Variants in EIF4A2 observed in about 807,000 individuals in gnomAD.
EIF4A2 encodes the protein eukaryotic translation initiation factor 4A2.
In EIF4A2, 9 loss-of-function variants were observed where a neutral mutation model predicts 50.6. The ratio of observed to expected loss-of-function variants is 0.18; its 90% CI spans 0.11 to 0.31. EIF4A2 has a LOEUF of 0.31. Among genes scored for constraint, EIF4A2 ranks in the 10% least tolerant of loss-of-function variants. The probability of loss-of-function intolerance (pLI) is 1.00; values close to 1 mark genes in which losing one functional copy is unlikely to be tolerated. For missense variants in EIF4A2, 182 were observed against 501.8 expected (o/e 0.36, Z 6.09); for synonymous variants, 215 against 164.4 (o/e 1.31, Z -2.35).
rs1560087713 is a variant in EIF4A2 at position 186,789,263 on chromosome 3, TATTTA to T, written c.1222_*2del. On this transcript the variant is annotated frameshift_variant and stop_lost, in exon 11 of 11. Coordinates refer to ENST00000323963, the MANE Select transcript of EIF4A2 (RefSeq NM_001967.4). LOFTEE classifies it high-confidence loss of function. ...AGATGCCCATGAATGTGGCTGACCT[TATTTA>T]ATTCCTGGGATGAGAGTTTTGGATG... is the stretch of plus-strand genomic sequence containing the variant. 6.2e-7 allele frequency: 1 copy of T among 1,606,496 alleles called. No individual in the cohort carries two copies. The highest frequency in any genetic ancestry group is 1.7e-5 in the Admixed American group (1 of 58,980).
chr3:186,783,669 T>A, intron 1 of EIF4A2, 30 bp downstream of exon 1: 1 of 1,614,012 alleles, frequency 6.2e-7, no homozygotes, highest in Non-Finnish European at 8.5e-7. Flanking sequence ...TCGCGGTCTG[T>A]AGTGAAGGTC....
chr3:186,786,237 C>A lies in EIF4A2; in HGVS notation c.591C>A (p.Ile197=). 6.2e-7 allele frequency: 1 copy of A among 1,613,810 alleles called. No individual in the cohort carries two copies. Among genetic ancestry groups the A allele is most frequent in the South Asian group, 1.1e-5 (1 of 90,992 alleles). Reference sequence around the variant, plus strand: ...TGAGCCGTGGTTTTAAGGATCAAATCTATGAGATTTTCCAAAAACTAAACA... The same window carrying A: ...TGAGCCGTGGTTTTAAGGATCAAATATATGAGATTTTCCAAAAACTAAACA... ...EMLSRGFKDQ[I]YEIFQKLNTS... Residue 197 remains isoleucine, a synonymous_variant, in exon 6 of 11, where the codon ATC becomes ATA. Coordinates refer to ENST00000323963, the MANE Select transcript of EIF4A2 (RefSeq NM_001967.4).
intron 10 of EIF4A2, 49 bp from the exon 11 acceptor site, chr3:186,789,076 G>A (rs768575672): frequency 2.5e-6 from 4 of 1,596,198 alleles, no homozygotes; most frequent in South Asian, 1.1e-5. Context: ...ATGTTCAGTA[G>A]TTTATACATT....
intron 8 of EIF4A2, 62 bp from the exon 9 acceptor site, chr3:186,787,433 T>C (rs1172608281): frequency 3.1e-6 from 5 of 1,610,412 alleles, no homozygotes; most frequent in Admixed American, 3.3e-5. Context: ...CTCATACATG[T>C]TGATTAAAAT....
chr3:186,784,711 C>CCA lies in EIF4A2; in HGVS notation c.208+15_208+16insCA. On this transcript the variant is annotated intron_variant, in intron 3 of 10. Transcript: ENST00000323963. ...CTGTATTAAAGGTAAAAGAAACTGG[C>CCA]ATTTTTAGGAAATTGTTCTACATAG... 2 of 1,612,022 alleles carry CCA rather than the reference C, an allele frequency of 1.2e-6. No homozygotes were observed. The highest frequency in any genetic ancestry group is 1.7e-6 in the Non-Finnish European group (2 of 1,179,002).
intron 8 of EIF4A2, 38 bp from the exon 9 acceptor site, chr3:186,787,457 G>A: frequency 1.2e-6 from 2 of 1,612,004 alleles, no homozygotes; most frequent in Non-Finnish European, 1.7e-6. Flanking sequence ...ATACCGACCT[G>A]ACTGGTGATT....
At chr3:186,785,234 G>A in intron 4 of EIF4A2, 133 bp downstream of exon 4, 4 of 1,360,760 alleles carry the variant, frequency 2.9e-6, no homozygotes, top group Non-Finnish European at 3.0e-6. Flanking sequence ...TGCATGCAGG[G>A]AGTTTTTGTT....
At chr3:186,788,683 A>C (rs901390853) in intron 10 of EIF4A2, 1 of 231,420 alleles carries the variant, frequency 4.3e-6, no homozygotes, top group Non-Finnish European at 8.7e-6. Context: ...GAAAAAAGTA[A>C]GTTTTAGAAA....
Position 186,785,929 on chromosome 3 carries a change from G to C in EIF4A2, c.395G>C (p.Cys132Ser). The C allele has an allele frequency of 6.2e-7, 1 of 1,611,114 alleles. No individual in the cohort carries two copies. The highest frequency in any genetic ancestry group is 8.5e-7 in the Non-Finnish European group (1 of 1,177,450). ...CTTGGAGACTATATGGGAGCCACTT[G>C]TCATGCCTGCATTGGTGGAACAAAT... Reference protein sequence around the residue: ...LALGDYMGATCHACIGGTNVR... With the variant: ...LALGDYMGATSHACIGGTNVR... Residue 132 changes from cysteine to serine, a missense_variant, in exon 5 of 11, where the codon TGT becomes TCT. Around this residue, in one of 7 missense-constraint regions of EIF4A2, gnomAD observed 113 missense variants for 357.3 expected, o/e 0.32. Transcript: ENST00000323963.
intron 10 of EIF4A2, chr3:186,788,575 T>TA (rs1236140396): frequency 8.4e-6 from 4 of 473,460 alleles, no homozygotes; most frequent in African/African-American, 2.0e-5. Context: ...GTTTGGCAGT[T>TA]AAACACGTTT....
At chr3:186,787,762 T>A (rs757504869) in intron 9 of EIF4A2, 41 bp from the exon 10 acceptor site, 1 of 1,613,464 alleles carries the variant, frequency 6.2e-7, no homozygotes, top group Non-Finnish European at 8.5e-7. Context: ...AGGTGTCAAG[T>A]TTTTTTGAAT....
intron 2 of EIF4A2, 29 bp from the exon 3 acceptor site, chr3:186,784,535 A>G: frequency 6.2e-7 from 1 of 1,614,188 alleles, no homozygotes; most frequent in Non-Finnish European, 8.5e-7. Context: ...CATCTCATTT[A>G]TGCGTGCATT....
intron 10 of EIF4A2, 31 bp downstream of exon 10, chr3:186,787,913 A>G (rs1191701991): frequency 6.2e-7 from 1 of 1,607,302 alleles, no homozygotes; most frequent in East Asian, 2.2e-5. Flanking sequence ...CTGTATTGAA[A>G]AAAATTCATA....
Position 186,789,649 on chromosome 3 carries a change from G to C in EIF4A2, c.*380G>C, listed in dbSNP as rs965072736. 5.8e-6 allele frequency: 2 copies of C among 345,280 alleles called. No homozygotes were observed. The highest frequency in any genetic ancestry group is 1.1e-5 in the Non-Finnish European group (2 of 189,650). 21.4% of individuals were successfully genotyped at this position (345,280 alleles called of 1,614,324 possible). On this transcript the variant is annotated 3_prime_UTR_variant, in exon 11 of 11. Transcript: ENST00000323963. ...CCAATTATGTTAAACTAGCATATCT[G>C]CCTTTATTGTGTTTGTCATTAGCCT...
rs763616993 is a variant in EIF4A2 at position 186,784,641 on chromosome 3, C to T, written c.153C>T (p.Tyr51=). ...CTCTCCTTCGTGGCATCTATGCTTA[C>T]GGTTTTGAGAAGCCTTCCGCTATTC... ...KESLLRGIYA[Y]GFEKPSAIQQ... The change falls in exon 3 of 11, where the codon TAC becomes TAT. Residue 51 remains tyrosine (Y), a synonymous_variant. Transcript: ENST00000323963. 1.2e-5 allele frequency: 20 copies of T among 1,614,056 alleles called. No homozygotes were observed. The East Asian group carries it at 2.2e-4, about 18-fold the overall frequency.
chr3:186,785,130 C>G, intron 4 of EIF4A2, 29 bp downstream of exon 4: 1 of 1,611,864 alleles, frequency 6.2e-7, no homozygotes, highest in Non-Finnish European at 8.5e-7. Context: ...AAAAAAACTG[C>G]TTGCGTGTTG....
chr3:186,784,159 TG>T, intron 1 of EIF4A2: 1 of 539,270 alleles, frequency 1.9e-6, no homozygotes, highest in Non-Finnish European at 3.3e-6. Context: ...TGCGCATTGT[TG>T]GGGGCGGAGT....
intron 7 of EIF4A2, chr3:186,786,893 A>T: frequency 1.1e-6 from 1 of 878,654 alleles, no homozygotes; most frequent in East Asian, 2.4e-5. Flanking sequence ...TATAATTTCT[A>T]CGTTTTGAGA....
At chr3:186,787,696 CCA>C (rs1201968698) in intron 9 of EIF4A2, 105 bp from the exon 10 acceptor site, 1 of 1,579,168 alleles carries the variant, frequency 6.3e-7, no homozygotes, top group African/African-American at 1.3e-5. Context: ...AGACCACACT[CCA>C]CAGTGGGCTA....
Sources: allele counts gnomAD v4.1 joint callset, GRCh38; gene constraint gnomAD v4.1.1; regional missense constraint gnomAD v4.1.1; transcripts MANE v1.5; gene names NCBI Gene and HGNC (gene_info 2026-07-23, HGNC 2026-07-21).